RANBP2: variants seen among roughly 807,000 people sequenced by gnomAD.
RANBP2 encodes the protein RAN binding protein 2.
Under a neutral mutation model 303.6 loss-of-function variants are expected in RANBP2, and 57 were observed. The ratio of observed to expected loss-of-function variants is 0.19; its 90% CI spans 0.15 to 0.23. RANBP2 has a LOEUF of 0.23. Ranked by LOEUF, RANBP2 falls within the 10% of genes least tolerant of loss-of-function variation. The pLI is 1.00. For synonymous variants in RANBP2, 1,167 were observed against 1,301.5 expected (o/e 0.90, Z 2.23); for missense variants, 3,138 against 3,780.8 (o/e 0.83, Z 4.46).
chr2:109,066,013 C>A, the RANBP2 span, among the ~76,000 whole-genome samples: 1 of 152,208 alleles, frequency 6.6e-6, no homozygotes, highest in Non-Finnish European at 1.5e-5. Context: ...TCTTGGCTCA[C>A]CGTAACCTCT....
At chr2:109,778,405 G>A in the RANBP2 span, among the ~76,000 whole-genome samples, 1 of 149,152 alleles carries the variant, frequency 6.7e-6, no homozygotes, top group Non-Finnish European at 1.5e-5. Context: ...TAAATGTGTG[G>A]AATGTTGTTT....
At chr2:109,317,196 G>C in the RANBP2 span, among the ~76,000 whole-genome samples, 1 of 117,086 alleles carries the variant, frequency 8.5e-6, no homozygotes, top group Non-Finnish European at 1.7e-5. Context: ...ATGGTGTTGG[G>C]GTTTTCGGGA....
At chr2:109,079,831 A>G in the RANBP2 span, among the ~76,000 whole-genome samples, 1 of 152,212 alleles carries the variant, frequency 6.6e-6, no homozygotes, top group Non-Finnish European at 1.5e-5. Context: ...CTACACAGAC[A>G]GGTGGGAACT....
chr2:109,464,756 C>T, the RANBP2 span, among the ~76,000 whole-genome samples: 30 of 152,336 alleles, frequency 2.0e-4, no homozygotes, highest in African/African-American at 7.0e-4. Context: ...ATCTCTTCTA[C>T]TATCAATGGC....
chr2:109,622,480 A>T, the RANBP2 span, among the ~76,000 whole-genome samples: 2 of 152,220 alleles, frequency 1.3e-5, no homozygotes, highest in Admixed American at 1.3e-4. Context: ...TAATGACTTG[A>T]ACACTCTGTT....
At chr2:109,719,369 G>A in the RANBP2 span, among the ~76,000 whole-genome samples, 132 of 150,486 alleles carry the variant, frequency 8.8e-4, 1 homozygote, top group African/African-American at 3.1e-3. Context: ...CAAAGTGCTG[G>A]GATTACAGGT....
At chr2:109,115,224 G>A in the RANBP2 span, among the ~76,000 whole-genome samples, 1 of 152,208 alleles carries the variant, frequency 6.6e-6, no homozygotes, top group Non-Finnish European at 1.5e-5. Context: ...AATGTTGACA[G>A]TGAGGTGTTA....
the RANBP2 span, chr2:108,940,305 C>T: frequency 0.26 from 39,068 of 152,332 alleles, 8,138 homozygotes; most frequent in East Asian, 0.93. Context: ...GAGGCTGAGC[C>T]TCCCAGGATG....
the RANBP2 span, among the ~76,000 whole-genome samples, chr2:109,328,559 G>A: frequency 6.6e-6 from 1 of 152,306 alleles, no homozygotes; most frequent in South Asian, 2.1e-4. Flanking sequence ...GTGAGCCTCT[G>A]ATTTCGACAG....
chr2:108,983,725 G>A, the RANBP2 span, among the ~76,000 whole-genome samples: 22 of 152,218 alleles, frequency 1.4e-4, no homozygotes, highest in African/African-American at 5.3e-4. Context: ...CGTGCGGGAC[G>A]GGGCAGGGAA....
chr2:109,429,626 GC>G, the RANBP2 span, among the ~76,000 whole-genome samples: 1 of 152,020 alleles, frequency 6.6e-6, no homozygotes. Context: ...CTCTCATCTT[GC>G]CCAAGCCCTG....
At chr2:109,115,570 T>C in the RANBP2 span, among the ~76,000 whole-genome samples, 1 of 152,250 alleles carries the variant, frequency 6.6e-6, no homozygotes, top group Non-Finnish European at 1.5e-5. Context: ...CTGATGGGTC[T>C]TGACTCTTTA....
the RANBP2 span, among the ~76,000 whole-genome samples, chr2:109,250,147 T>TC: frequency 3.3e-5 from 5 of 151,976 alleles, no homozygotes; most frequent in African/African-American, 1.2e-4. Context: ...TTAAGGTTTT[T>TC]CTCTGTCTTT....
chr2:109,271,386 T>C, the RANBP2 span, among the ~76,000 whole-genome samples: 1 of 152,198 alleles, frequency 6.6e-6, no homozygotes, highest in African/African-American at 2.4e-5. Context: ...ACCCAAAAGC[T>C]CAAAACTGTA....
the RANBP2 span, among the ~76,000 whole-genome samples, chr2:109,475,385 A>G: frequency 6.6e-6 from 1 of 152,324 alleles, no homozygotes; most frequent in Admixed American, 6.5e-5. Context: ...CAAAGTGGCT[A>G]CCAGTCCCCC....
At chr2:109,297,221 C>G in the RANBP2 span, among the ~76,000 whole-genome samples, 4 of 152,040 alleles carry the variant, frequency 2.6e-5, no homozygotes, top group South Asian at 8.3e-4. Context: ...GCGATTCATT[C>G]AGCTGTTTTT....
chr2:108,997,842 G>A, the RANBP2 span, among the ~76,000 whole-genome samples: 652 of 150,888 alleles, frequency 4.3e-3, 2 homozygotes, highest in African/African-American at 0.015. Context: ...AGTGAGCCGA[G>A]ATCGCGCCAC....
chr2:109,668,496 A>G, the RANBP2 span, among the ~76,000 whole-genome samples: 5 of 152,230 alleles, frequency 3.3e-5, no homozygotes, highest in African/African-American at 7.2e-5. Context: ...AGAAACAACA[A>G]TGAAAATCCC....
the RANBP2 span, chr2:109,437,295 G>A: frequency 3.1e-6 from 4 of 1,308,902 alleles, no homozygotes; most frequent in Non-Finnish European, 4.1e-6. Context: ...AGGAAAACCG[G>A]TTTGGCCCCA....
Sources: gnomAD v4.1 joint callset for allele counts (sites outside exome capture counted in the v4.1 genomes callset) on GRCh38, gnomAD v4.1.1 for gene constraint, MANE v1.5 for transcripts, NCBI Gene and HGNC (gene_info 2026-07-23, HGNC 2026-07-21) for gene names.